The following XPR1 variants were observed in gnomAD, a reference collection of about 807,000 sequenced individuals.
The protein encoded by XPR1 is solute carrier family 53 member 1.
A neutral mutation model predicts 87.5 loss-of-function variants in XPR1; 28 were observed. The observed-to-expected ratio is 0.32, with a 90% CI of 0.24 to 0.44. The LOEUF (loss-of-function observed/expected upper bound fraction) is 0.44, where lower values mean the gene tolerates loss of function less well. Among genes scored for constraint, XPR1 ranks in the 20% least tolerant of loss-of-function variants. The probability of loss-of-function intolerance (pLI) is 1.00; values close to 1 mark genes in which losing one functional copy is unlikely to be tolerated. For synonymous variants in XPR1, 300 were observed against 306.1 expected (o/e 0.98, Z 0.21); for missense variants, 559 against 862.3 (o/e 0.65, Z 4.41).
intron 1 of XPR1, among the ~76,000 whole-genome samples, chr1:180,679,416 C>A (rs142708451): frequency 1.6e-4 from 25 of 152,120 alleles, no homozygotes; most frequent in Non-Finnish European, 3.5e-4. Flanking sequence ...GCTAAAAATT[C>A]TATAATGCGC....
intron 6 of XPR1, among the ~76,000 whole-genome samples, chr1:180,810,855 G>T (rs916923303): frequency 1.3e-5 from 2 of 151,500 alleles, no homozygotes; most frequent in South Asian, 2.1e-4. Flanking sequence ...TCGTTCCTTA[G>T]TATCTGTTGG....
rs764129087 is a variant in XPR1, at chr1:180,884,013, G to A, written c.2038G>A (p.Ala680Thr). 2 of 1,613,936 alleles carry A rather than the reference G, an allele frequency of 1.2e-6. No homozygotes were observed. Among genetic ancestry groups the A allele is most frequent in the Non-Finnish European group, 1.7e-6 (2 of 1,179,968 alleles). ...CCCCCTTGTTACCACTAGATCCAAG[G>A]CTCGTGACACTAAGGTATTGATAGA... is the stretch of plus-strand genomic sequence containing the variant. ...RRPRLASQSK[A>T]RDTKVLIEDT... Residue 680 changes from alanine to threonine, a missense_variant, in exon 15 of 15, where the codon GCT (alanine) becomes ACT (threonine). Physicochemically the swap from Ala to Thr is moderately conservative, Grantham distance 58 (BLOSUM62 0). Transcript: ENST00000367590.
At chr1:180,851,743 G>T (rs1651875673) in intron 11 of XPR1, among the ~76,000 whole-genome samples, 1 of 152,064 alleles carries the variant, frequency 6.6e-6, no homozygotes, top group East Asian at 1.9e-4. Flanking sequence ...GATCTGGGAA[G>T]GGGTATCTGA....
chr1:180,882,967 G>GTTTTTTTTTTTTTTTTTT (rs1156645233), intron 14 of XPR1, among the ~76,000 whole-genome samples: 37 of 150,618 alleles, frequency 2.5e-4, no homozygotes, highest in African/African-American at 8.2e-4. Context: ...TTGGGGGTTG[G>GTTTTTTTTTTTTTTTTTT]TTGTTTTTTT....
At chr1:180,697,814 T>C (rs1037390075) in intron 2 of XPR1, among the ~76,000 whole-genome samples, 10 of 152,190 alleles carry the variant, frequency 6.6e-5, no homozygotes, top group African/African-American at 2.4e-4. Flanking sequence ...AGAAGTTACT[T>C]GACATTATTT....
At chr1:180,734,658 T>C (rs1658668875) in intron 2 of XPR1, among the ~76,000 whole-genome samples, 1 of 152,208 alleles carries the variant, frequency 6.6e-6, no homozygotes. Context: ...GGACAGCAAG[T>C]GGCAGATCTT....
intron 2 of XPR1, among the ~76,000 whole-genome samples, chr1:180,761,490 C>T (rs1648030218): frequency 6.6e-6 from 1 of 152,108 alleles, no homozygotes; most frequent in African/African-American, 2.4e-5. Context: ...CAAAAGAAGA[C>T]ATTTATGCAG....
intron 11 of XPR1, among the ~76,000 whole-genome samples, chr1:180,851,353 G>T (rs1258931708): frequency 6.6e-6 from 1 of 152,098 alleles, no homozygotes; most frequent in South Asian, 2.1e-4. Context: ...CTGGAGGTGG[G>T]GTGTGGTGGA....
intron 1 of XPR1, among the ~76,000 whole-genome samples, chr1:180,657,021 A>G (rs901942402): frequency 6.6e-6 from 1 of 151,974 alleles, no homozygotes; most frequent in Non-Finnish European, 1.5e-5. Flanking sequence ...GTTTTTGGAT[A>G]TAATTCATTT....
At chr1:180,864,266 T>C (rs920874768) in intron 12 of XPR1, among the ~76,000 whole-genome samples, 1 of 152,222 alleles carries the variant, frequency 6.6e-6, no homozygotes, top group Non-Finnish European at 1.5e-5. Context: ...GTTCCTCCTC[T>C]TTAAAAGTCA....
Position 180,885,796 on chromosome 1 carries a change from C to T in XPR1, c.*1730C>T, listed in dbSNP as rs1652989991. The T allele has an allele frequency of 6.6e-6, 1 of 152,342 alleles. No individual in the cohort carries two copies. The highest frequency in any genetic ancestry group is 6.5e-5 in the Admixed American group (1 of 15,306). The allele number at this position is 152,342 out of a possible 1,614,324, so 9.4% of individuals were successfully genotyped here. ...TTACTGCCCTTTAATACACTCCTAT[C>T]ATCAGCACTTCCACCATGTATTACA... On this transcript the variant is annotated 3_prime_UTR_variant, in exon 15 of 15. Transcript: ENST00000367590.
chr1:180,876,307 T>C (rs2102222107), intron 13 of XPR1, among the ~76,000 whole-genome samples: 1 of 152,304 alleles, frequency 6.6e-6, no homozygotes, highest in African/African-American at 2.4e-5. Flanking sequence ...TAATACAAGT[T>C]AGGTTCGTTC....
At chr1:180,772,481 G>GTGTC (rs973465406) in intron 2 of XPR1, among the ~76,000 whole-genome samples, 5 of 152,126 alleles carry the variant, frequency 3.3e-5, no homozygotes, top group Non-Finnish European at 7.4e-5. Flanking sequence ...GTGTGTGTGT[G>GTGTC]TGTCTGTCTG....
At chr1:180,705,773 A>G (rs1164939599) in intron 2 of XPR1, among the ~76,000 whole-genome samples, 1 of 152,228 alleles carries the variant, frequency 6.6e-6, no homozygotes, top group Non-Finnish European at 1.5e-5. Context: ...AAAAAAAGTT[A>G]GGTTAATAAA....
chr1:180,882,898 C>G (rs1571258020), intron 14 of XPR1, among the ~76,000 whole-genome samples: 1 of 151,994 alleles, frequency 6.6e-6, no homozygotes, highest in Admixed American at 6.6e-5. Context: ...TCATGTATGC[C>G]TCAAGTGGTG....
intron 1 of XPR1, among the ~76,000 whole-genome samples, chr1:180,656,483 ATAATATT>A: frequency 2.0e-5 from 1 of 49,232 alleles, no homozygotes; most frequent in Non-Finnish European, 3.1e-5. Flanking sequence ...TACATTATAT[ATAATATT>A]TATATATTAT....
intron 2 of XPR1, among the ~76,000 whole-genome samples, chr1:180,754,430 C>G (rs966241524): frequency 3.3e-5 from 5 of 151,902 alleles, no homozygotes; most frequent in Non-Finnish European, 7.4e-5. Context: ...CAAGTTTGTC[C>G]TGTACTCTTC....
At chr1:180,834,738 T>G in intron 9 of XPR1, 136 bp from the exon 10 acceptor site, 2 of 941,876 alleles carry the variant, frequency 2.1e-6, no homozygotes, top group Non-Finnish European at 3.0e-6. Context: ...TGTTGCCAGG[T>G]CTCTGTATTT....
At chr1:180,776,472 A>T (rs941415749) in intron 2 of XPR1, among the ~76,000 whole-genome samples, 1 of 152,040 alleles carries the variant, frequency 6.6e-6, no homozygotes, top group Non-Finnish European at 1.5e-5. Context: ...AATGGAAATT[A>T]TACAATTTCC....
Sources: gnomAD v4.1 joint callset for allele counts (sites outside exome capture counted in the v4.1 genomes callset) on GRCh38, gnomAD v4.1.1 for gene constraint, MANE v1.5 for transcripts, NCBI Gene and HGNC (gene_info 2026-07-23, HGNC 2026-07-21) for gene names.